GLIS3: variants seen among roughly 807,000 people sequenced by gnomAD.
The protein encoded by GLIS3 is GLIS family zinc finger 3.
A neutral mutation model predicts 78.6 loss-of-function variants in GLIS3; 53 were observed. That is an observed-to-expected ratio of 0.67 (90% CI 0.54 to 0.85). The LOEUF is 0.85. Ranked by LOEUF, GLIS3 falls within the 40% of genes least tolerant of loss-of-function variation. The pLI, the probability that GLIS3 is intolerant of heterozygous loss-of-function variation, is 0.00. For synonymous variants in GLIS3, 684 were observed against 509.9 expected (o/e 1.34, Z -4.60); for missense variants, 1,703 against 1,231.1 (o/e 1.38, Z -5.74).
intron 4 of GLIS3, among the ~76,000 whole-genome samples, chr9:3,945,725 A>G (rs994957057): frequency 3.9e-5 from 6 of 152,240 alleles, no homozygotes; most frequent in African/African-American, 1.4e-4. Flanking sequence ...AGTTTCTCCA[A>G]ATGATCTGCC....
intron 4 of GLIS3, among the ~76,000 whole-genome samples, chr9:4,114,759 G>A (rs762575789): frequency 2.0e-5 from 3 of 151,976 alleles, no homozygotes; most frequent in South Asian, 2.1e-4. Context: ...CTCTGCAATC[G>A]AGGCCAGGCC....
chr9:4,429,710 T>A, the GLIS3 span, among the ~76,000 whole-genome samples: 1 of 152,098 alleles, frequency 6.6e-6, no homozygotes, highest in South Asian at 2.1e-4. Flanking sequence ...AAACATTGAA[T>A]CCCCAGCTCT....
intron 2 of GLIS3, among the ~76,000 whole-genome samples, chr9:4,154,354 T>A (rs1207291138): frequency 1.3e-5 from 2 of 152,072 alleles, no homozygotes; most frequent in African/African-American, 2.4e-5. Context: ...AGCCATAATA[T>A]GCCACAAGAA....
At chr9:3,982,309 C>T (rs1037801682) in intron 4 of GLIS3, among the ~76,000 whole-genome samples, 8 of 151,834 alleles carry the variant, frequency 5.3e-5, no homozygotes, top group African/African-American at 1.5e-4. Flanking sequence ...TTGTATTAAA[C>T]GCAGCTCCTA....
intron 2 of GLIS3, among the ~76,000 whole-genome samples, chr9:4,142,854 C>A (rs1349686828): frequency 6.6e-6 from 1 of 152,070 alleles, no homozygotes; most frequent in African/African-American, 2.4e-5. Flanking sequence ...ATGAAATTTT[C>A]ACACTTAAGG....
chr9:4,252,451 C>T (rs1184214967), intron 2 of GLIS3, among the ~76,000 whole-genome samples: 1 of 151,994 alleles, frequency 6.6e-6, no homozygotes, highest in African/African-American at 2.4e-5. Context: ...TTTTTCAGTT[C>T]CATCAGGTCA....
At chr9:4,257,879 T>C (rs1413690085) in intron 2 of GLIS3, among the ~76,000 whole-genome samples, 1 of 152,158 alleles carries the variant, frequency 6.6e-6, no homozygotes, top group African/African-American at 2.4e-5. Context: ...GGCCAACATG[T>C]ATATGTTTAA....
chr9:3,995,765 G>C (rs1015216381), intron 4 of GLIS3, among the ~76,000 whole-genome samples: 2 of 152,002 alleles, frequency 1.3e-5, no homozygotes, highest in Non-Finnish European at 2.9e-5. Flanking sequence ...ATGCAGCAAA[G>C]AGACAAAGTG....
At chr9:3,987,516 A>C (rs550418827) in intron 4 of GLIS3, among the ~76,000 whole-genome samples, 1 of 151,848 alleles carries the variant, frequency 6.6e-6, no homozygotes, top group East Asian at 1.9e-4. Context: ...AGCCTGGCCA[A>C]CATGGTGAAA....
At chr9:3,873,417 T>C (rs889129465) in intron 8 of GLIS3, among the ~76,000 whole-genome samples, 1 of 152,126 alleles carries the variant, frequency 6.6e-6, no homozygotes, top group African/African-American at 2.4e-5. Flanking sequence ...ATTCAACATA[T>C]GCAAATCAAT....
chr9:4,277,205 G>C (rs1587273682), intron 2 of GLIS3, among the ~76,000 whole-genome samples: 3 of 152,212 alleles, frequency 2.0e-5, no homozygotes, highest in Non-Finnish European at 4.4e-5. Context: ...TGTTTTCCCA[G>C]AGATAAACCT....
rs576055570 is a variant in GLIS3, at chr9:3,992,327, AAAAGGAAAT to A, written c.1711-55147_1711-55139del. ...TGAAAGAAAACTAAAGAAAGCAAATAAAAGGAAATAATAAAAATGACTTGTCTGTGTAAT... is the reference window on the plus strand; with the variant it reads ...TGAAAGAAAACTAAAGAAAGCAAATAAATAAAAATGACTTGTCTGTGTAAT... On this transcript the variant is annotated intron_variant, in intron 4 of 10. Transcript: ENST00000381971. Among the ~76,000 whole-genome samples, 412 of 152,332 alleles carry A rather than the reference AAAAGGAAAT, an allele frequency of 2.7e-3. 4 individuals are homozygous for A. The highest frequency in any genetic ancestry group is 9.2e-3 in the African/African-American group (382 of 41,592).
At chr9:4,264,783 AT>A (rs1473857876) in intron 2 of GLIS3, among the ~76,000 whole-genome samples, 1 of 152,240 alleles carries the variant, frequency 6.6e-6, no homozygotes, top group East Asian at 1.9e-4. Context: ...TTACTCACTG[AT>A]TGCTACTTTC....
the GLIS3 span, among the ~76,000 whole-genome samples, chr9:4,370,828 C>T: frequency 3.3e-5 from 5 of 152,000 alleles, no homozygotes; most frequent in Admixed American, 2.0e-4. Flanking sequence ...CAGACCTGCT[C>T]CTGCTTCCAG....
In GLIS3 at chr9:3,882,289, C is replaced by A. The variant is rs1200713600; in HGVS notation, c.2129-2694G>T. 2.0e-5 allele frequency among the ~76,000 whole-genome samples: 3 copies of A among 152,178 alleles called. No homozygotes were observed. The East Asian group carries it at 5.8e-4, about 29-fold the overall frequency. On this transcript the variant is annotated intron_variant, in intron 7 of 10. Transcript: ENST00000381971. ...GAAAGGAACATTTATCCACCAACTC[C>A]TATTTTTCATTTGTTGACGGTTGCG...
chr9:4,088,931 G>GA (rs1314023295), intron 4 of GLIS3, among the ~76,000 whole-genome samples: 3 of 152,158 alleles, frequency 2.0e-5, no homozygotes, highest in Non-Finnish European at 2.9e-5. Context: ...CATTCCTCGA[G>GA]AAAAAAATGG....
At chr9:4,459,562 G>A in the GLIS3 span, among the ~76,000 whole-genome samples, 4 of 152,344 alleles carry the variant, frequency 2.6e-5, no homozygotes, top group African/African-American at 7.2e-5. Flanking sequence ...CCAGGAGCTC[G>A]TGACCAGACT....
At chr9:4,059,213 T>G (rs1007079680) in intron 4 of GLIS3, among the ~76,000 whole-genome samples, 1 of 152,188 alleles carries the variant, frequency 6.6e-6, no homozygotes, top group African/African-American at 2.4e-5. Flanking sequence ...ATTTCAGACA[T>G]TTTTTCTCTA....
chr9:4,321,646 C>A (rs2130547810), intron 2 of GLIS3, among the ~76,000 whole-genome samples: 1 of 131,406 alleles, frequency 7.6e-6, no homozygotes, highest in Admixed American at 8.8e-5. Flanking sequence ...TGTGAACCTC[C>A]CATTTCTTCT....
Sources: allele counts gnomAD v4.1 joint callset (sites outside exome capture counted in the v4.1 genomes callset), GRCh38; gene constraint gnomAD v4.1.1; transcripts MANE v1.5; gene names NCBI Gene and HGNC (gene_info 2026-07-23, HGNC 2026-07-21).